The following CASZ1 variants were observed in gnomAD, a reference collection of about 807,000 sequenced individuals.
CASZ1 encodes zinc finger protein castor homolog 1.
A neutral mutation model predicts 135.2 loss-of-function variants in CASZ1; 28 were observed. The observed-to-expected ratio is 0.21, with a 90% confidence interval of 0.15 to 0.28. The LOEUF (loss-of-function observed/expected upper bound fraction) is 0.28, where lower values mean the gene tolerates loss of function less well. Among genes scored for constraint, CASZ1 ranks in the 10% least tolerant of loss-of-function variants. CASZ1 has a pLI of 1.00. For missense variants in CASZ1, 2,161 were observed against 2,453.3 expected, an observed-to-expected ratio of 0.88 and a Z score of 2.52; for synonymous variants, 1,068 against 1,073.4, an observed-to-expected ratio of 0.99 and a Z score of 0.10.
At position 10,722,858 on chromosome 1, in the gene CASZ1, C is replaced by G. The variant is rs575259041; in HGVS notation, c.-76-17314G>C. On this transcript the variant is annotated intron_variant, in intron 2 of 20. Coordinates refer to ENST00000377022, the MANE Select transcript of CASZ1 (RefSeq NM_001079843.3). ...TGCATGGGGCAGACACTCTCCCCCCCAAAAAGGCCTGCCCCCGCACCCCAG... is the reference window on the plus strand; with the variant it reads ...TGCATGGGGCAGACACTCTCCCCCCGAAAAAGGCCTGCCCCCGCACCCCAG... Among the ~76,000 whole-genome samples the G allele has an allele frequency of 1.3e-3, 203 of 152,360 alleles. 1 individual carries two copies. Among genetic ancestry groups the G allele is most frequent in the African/African-American group, 4.7e-3 (196 of 41,582 alleles).
intron 1 of CASZ1, among the ~76,000 whole-genome samples, chr1:10,768,047 C>T (rs1640509471): frequency 6.6e-6 from 1 of 152,176 alleles, no homozygotes; most frequent in Non-Finnish European, 1.5e-5. Context: ...AAGACCCTCA[C>T]AAGGAGCGGG....
rs767372108 is a variant in CASZ1, at chr1:10,653,636, G to C, written c.2421C>G (p.Gly807=). 41 of 1,549,708 alleles carry C rather than the reference G, an allele frequency of 2.6e-5. No homozygotes were observed. The highest frequency in any genetic ancestry group is 3.6e-5 in the Non-Finnish European group (41 of 1,147,356). ...CCACAGGCAGGGAGGTGCTCCCACGGCCAGCCAGTATGGGGAAGTAGGGCG... is the reference window on the plus strand; with the variant it reads ...CCACAGGCAGGGAGGTGCTCCCACGCCCAGCCAGTATGGGGAAGTAGGGCG... ...TPTPYFPILA[G]RGSTSLPVGT... is the part of the protein sequence containing the mutation. The change falls in exon 11 of 21, where the codon GGC becomes GGG. Residue 807 remains glycine, a synonymous_variant. Coordinates refer to ENST00000377022, the MANE Select transcript of CASZ1 (RefSeq NM_001079843.3).
chr1:10,749,274 G>T (rs1346635216), intron 2 of CASZ1, among the ~76,000 whole-genome samples: 4 of 150,638 alleles, frequency 2.7e-5, no homozygotes, highest in African/African-American at 9.8e-5. Context: ...TTGAGACAGA[G>T]TCTCACTCTG....
At chr1:10,677,894 G>A (rs1002778906) in intron 4 of CASZ1, among the ~76,000 whole-genome samples, 1 of 152,226 alleles carries the variant, frequency 6.6e-6, no homozygotes, top group Non-Finnish European at 1.5e-5. Flanking sequence ...CACCTGCGGT[G>A]TGCGAGGCCT....
chr1:10,701,531 G>A lies in CASZ1; in HGVS notation c.-24+3961C>T, dbSNP rs1346516330. Among the ~76,000 whole-genome samples, 3 of 152,182 alleles carry A rather than the reference G, an allele frequency of 2.0e-5. No individual in the cohort carries two copies. Among genetic ancestry groups the A allele is most frequent in the African/African-American group, 4.8e-5 (2 of 41,424 alleles). On this transcript the variant is annotated intron_variant, in intron 3 of 20. Transcript: ENST00000377022. The surrounding 1 kb of genome is among the most constrained non-coding windows in gnomAD (Gnocchi z 6.3). Reference sequence around the variant, plus strand: ...CTTCAGAGTGATGGAGTGATGGGAGGAGGGGGGGCGCGGTCAGAAGAAGGA... The same window carrying A: ...CTTCAGAGTGATGGAGTGATGGGAGAAGGGGGGGCGCGGTCAGAAGAAGGA...
chr1:10,690,675 G>GCCC (rs143941689), intron 4 of CASZ1, among the ~76,000 whole-genome samples: 1 of 152,114 alleles, frequency 6.6e-6, no homozygotes, highest in Non-Finnish European at 1.5e-5. Flanking sequence ...TCCCTCACCG[G>GCCC]CACCCCCTGC....
In CASZ1 at chr1:10,639,959, G is replaced by A; in HGVS notation, c.4263C>T (p.Ser1421=). 2 of 1,612,920 alleles carry A rather than the reference G, an allele frequency of 1.2e-6. No homozygotes were observed. The highest frequency in any genetic ancestry group is 1.7e-6 in the Non-Finnish European group (2 of 1,180,018). ...PFGKRRKTAS[S]RKMLDEGMML... is the part of the protein sequence containing the mutation. ...TCATGCCCTCGTCCAGCATCTTCCG[G>A]GAGGACGCCGTCTTCCGCCGCTTGC... is the stretch of plus-strand genomic sequence containing the variant. Residue 1421 remains serine, a synonymous_variant, in exon 21 of 21, where the codon TCC becomes TCT. Coordinates refer to ENST00000377022, the MANE Select transcript of CASZ1 (RefSeq NM_001079843.3). The surrounding 1 kb of genome is among the most constrained non-coding windows in gnomAD (Gnocchi z 4.0).
chr1:10,651,504 GC>G (rs1642583881), intron 11 of CASZ1: 2 of 154,330 alleles, frequency 1.3e-5, no homozygotes, highest in East Asian at 1.9e-4. Flanking sequence ...TGGGGTGACG[GC>G]CCCCGCACGG....
Position 10,640,017 on chromosome 1 carries a change from C to A in CASZ1, c.4205G>T (p.Arg1402Leu), listed in dbSNP as rs748054379. ...SMPTASGAKKRFWIIEDMSPF... is the reference protein window; with the variant it reads ...SMPTASGAKKLFWIIEDMSPF... Reference sequence around the variant, plus strand: ...CGACATGTCCTCGATGATCCAGAAGCGCTTTTTGGCCCCCGAGGCTGTCGG... The same window carrying A: ...CGACATGTCCTCGATGATCCAGAAGAGCTTTTTGGCCCCCGAGGCTGTCGG... Residue 1402 changes from arginine (R) to leucine (L), a missense_variant, in exon 21 of 21, where the codon CGC (arginine) becomes CTC (leucine). By Grantham distance (102) the Arg-to-Leu change is moderately radical. Around this residue, in one of 7 missense-constraint regions of CASZ1, gnomAD observed 143 missense variants for 128.3 expected, o/e 1.11. Transcript: ENST00000377022. 4 of 1,611,440 alleles carry A rather than the reference C, an allele frequency of 2.5e-6. 1 individual carries two copies. In the Middle Eastern group the frequency reaches 6.6e-4, roughly 266 times the overall value.
chr1:10,742,772 T>C (rs1639948523), intron 2 of CASZ1, among the ~76,000 whole-genome samples: 1 of 151,964 alleles, frequency 6.6e-6, no homozygotes, highest in Admixed American at 6.6e-5. Flanking sequence ...TCACTTGAGG[T>C]CAGGAGTTCA....
chr1:10,762,917 G>A lies in CASZ1; in HGVS notation c.-233-2060C>T, dbSNP rs141593087. Among the ~76,000 whole-genome samples the A allele has an allele frequency of 2.0e-5, 3 of 152,364 alleles. No individual in the cohort carries two copies. The highest frequency in any genetic ancestry group is 7.2e-5 in the African/African-American group (3 of 41,586). ...CAGGCCCTGGTGGGACGCTCGTTGG[G>A]CTTCTTCCAGCGGAAAGTGGGGCCT... On this transcript the variant is annotated intron_variant, in intron 1 of 20. Coordinates refer to ENST00000377022, the MANE Select transcript of CASZ1 (RefSeq NM_001079843.3). This position sits in a 1 kb window ranked among gnomAD's most constrained non-coding sequence, Gnocchi z 4.1.
intron 4 of CASZ1, among the ~76,000 whole-genome samples, chr1:10,687,249 C>G (rs1222291978): frequency 6.6e-6 from 1 of 152,240 alleles, no homozygotes; most frequent in Admixed American, 6.5e-5. Context: ...TTGGGAACAC[C>G]TGGTCTCTGG....
intron 4 of CASZ1, among the ~76,000 whole-genome samples, chr1:10,686,127 G>A (rs758537396): frequency 2.6e-5 from 4 of 151,966 alleles, no homozygotes; most frequent in Non-Finnish European, 5.9e-5. Flanking sequence ...CACCCAGCAC[G>A]GGGGCCTGTG....
rs770241303 is a variant in CASZ1 at position 10,756,029 on chromosome 1, C to T, written c.-77+4672G>A. Among the ~76,000 whole-genome samples the T allele has an allele frequency of 6.6e-6, 1 of 152,174 alleles. No homozygotes were observed. Among genetic ancestry groups the T allele is most frequent in the Non-Finnish European group, 1.5e-5 (1 of 68,028 alleles). On this transcript the variant is annotated intron_variant, in intron 2 of 20. Coordinates refer to ENST00000377022, the MANE Select transcript of CASZ1 (RefSeq NM_001079843.3). The surrounding 1 kb of genome is among the most constrained non-coding windows in gnomAD (Gnocchi z 5.9). The stretch of plus-strand genomic sequence containing the variant: ...CCTCCCACGCGTGCACAGATGCACA[C>T]GCCTCCCACCCGGACACACCCTCCC...
chr1:10,705,907 C>T (rs968076754), intron 2 of CASZ1, among the ~76,000 whole-genome samples: 5 of 152,242 alleles, frequency 3.3e-5, no homozygotes, highest in East Asian at 1.9e-4. Flanking sequence ...TGCACGCTCC[C>T]GTGGAGCTGC....
At position 10,646,338 on chromosome 1, in the gene CASZ1, C is replaced by T. The variant is rs1642363396; in HGVS notation, c.3498-12G>A. On this transcript the variant is annotated splice_polypyrimidine_tract_variant and intron_variant, in intron 16 of 20. Coordinates refer to ENST00000377022, the MANE Select transcript of CASZ1 (RefSeq NM_001079843.3). The surrounding 1 kb of genome is among the most constrained non-coding windows in gnomAD (Gnocchi z 6.4). Reference sequence around the variant, plus strand: ...CGAGGCAAGGATCGCTGGAAGGAAACCACAGCCCAGAAGGTCATTGCCATT... The same window carrying T: ...CGAGGCAAGGATCGCTGGAAGGAAATCACAGCCCAGAAGGTCATTGCCATT... 4 of 1,613,532 alleles carry T rather than the reference C, an allele frequency of 2.5e-6. No individual in the cohort carries two copies. The highest frequency in any genetic ancestry group is 3.4e-6 in the Non-Finnish European group (4 of 1,179,768).
intron 2 of CASZ1, among the ~76,000 whole-genome samples, chr1:10,745,968 G>A (rs974526821): frequency 2.0e-5 from 3 of 152,236 alleles, no homozygotes; most frequent in Non-Finnish European, 2.9e-5. Flanking sequence ...CTGGGGGATC[G>A]CCTTACTCTG....
At chr1:10,778,663 A>G (rs1457638461) in intron 1 of CASZ1, among the ~76,000 whole-genome samples, 1 of 152,188 alleles carries the variant, frequency 6.6e-6, no homozygotes, top group Non-Finnish European at 1.5e-5. Context: ...TCCAGTGGAC[A>G]CGAGGAGGAG....
chr1:10,737,280 C>T (rs921239366), intron 2 of CASZ1, among the ~76,000 whole-genome samples: 3 of 152,208 alleles, frequency 2.0e-5, no homozygotes, highest in African/African-American at 7.2e-5. Flanking sequence ...GAGGCACAGC[C>T]CCGCTCCAAC....
Sources: gnomAD v4.1 joint callset for allele counts (sites outside exome capture counted in the v4.1 genomes callset) on GRCh38, gnomAD v4.1.1 for gene constraint, gnomAD v4.1.1 regional missense constraint, Gnocchi (gnomAD v3.1) non-coding constraint, MANE v1.5 for transcripts, NCBI Gene and HGNC (gene_info 2026-07-23, HGNC 2026-07-21) for gene names.